Variants in GRAMD4 observed in about 807,000 individuals in gnomAD.
GRAMD4 encodes GRAM domain containing 4, also known as GRAM domain-containing protein 4.
Under a neutral mutation model 83.9 loss-of-function variants are expected in GRAMD4, and 25 were observed. The observed-to-expected ratio is 0.30, with a 90% CI of 0.22 to 0.42. The LOEUF (loss-of-function observed/expected upper bound fraction) is 0.42. GRAMD4 is among the 10% of genes least tolerant of loss of function. The pLI, the probability that GRAMD4 is intolerant of heterozygous loss-of-function variation, is 1.00. For synonymous variants in GRAMD4, 336 were observed against 320.9 expected, an observed-to-expected ratio of 1.05 and a Z score of -0.50; for missense variants, 593 against 788.7, an observed-to-expected ratio of 0.75 and a Z score of 2.97.
chr22:46,603,339 C>G (rs1297015964), intron 1 of GRAMD4, among the ~76,000 whole-genome samples: 1 of 150,142 alleles, frequency 6.7e-6, no homozygotes, highest in Non-Finnish European at 1.5e-5. Flanking sequence ...TCCCGAGTAG[C>G]TGGGACCACA....
chr22:46,611,072 CG>C, intron 1 of GRAMD4, among the ~76,000 whole-genome samples: 1 of 151,918 alleles, frequency 6.6e-6, no homozygotes, highest in East Asian at 1.9e-4. Context: ...AAGAATTAGC[CG>C]GGCATGGTGG....
intron 1 of GRAMD4, among the ~76,000 whole-genome samples, chr22:46,590,992 G>A (rs5767281): frequency 0.32 from 49,181 of 151,816 alleles, 10,275 homozygotes; most frequent in East Asian, 0.89. Context: ...CCTGGGAGGC[G>A]GAGATTGCAG....
Position 46,679,202 on chromosome 22 carries a change from C to G in GRAMD4, c.*1951C>G. 1 of 983,072 alleles carries G rather than the reference C, an allele frequency of 1.0e-6. No individual in the cohort carries two copies. Among genetic ancestry groups the G allele is most frequent in the Non-Finnish European group, 1.2e-6 (1 of 827,588 alleles). 60.9% of individuals were successfully genotyped at this position (983,072 alleles called of 1,614,324 possible). A position where few individuals can be genotyped will look rare whatever the true frequency, so the allele number is the denominator to read the frequency against. ...TCCGGGGCCTCGGGGCCAATGAGCGCCTCTTCCTAGGTGCTGGGATTCAGT... is the reference window on the plus strand; with the variant it reads ...TCCGGGGCCTCGGGGCCAATGAGCGGCTCTTCCTAGGTGCTGGGATTCAGT... On this transcript the variant is annotated 3_prime_UTR_variant, in exon 19 of 19. Transcript: ENST00000406902.
chr22:46,596,128 C>A (rs761610653), intron 1 of GRAMD4, among the ~76,000 whole-genome samples: 1 of 152,242 alleles, frequency 6.6e-6, no homozygotes, highest in Non-Finnish European at 1.5e-5. Context: ...GACGGGAGGT[C>A]AGAGGGCTGC....
chr22:46,644,110 C>T (rs1232737000), intron 3 of GRAMD4, among the ~76,000 whole-genome samples: 1 of 152,280 alleles, frequency 6.6e-6, no homozygotes, highest in African/African-American at 2.4e-5. Flanking sequence ...ACACTTTCTG[C>T]ATACTCACAT....
intron 3 of GRAMD4, among the ~76,000 whole-genome samples, chr22:46,643,076 T>C (rs1300501351): frequency 1.3e-4 from 13 of 98,918 alleles, no homozygotes; most frequent in South Asian, 3.6e-4. Context: ...TCCATCCATC[T>C]ATCCATTTAT....
chr22:46,584,909 G>T (rs999074040), intron 1 of GRAMD4, among the ~76,000 whole-genome samples: 1 of 152,202 alleles, frequency 6.6e-6, no homozygotes. Context: ...CCGGCGGGAC[G>T]CTTTAGAGCT....
chr22:46,605,257 C>T (rs534195778), intron 1 of GRAMD4, among the ~76,000 whole-genome samples: 1 of 152,256 alleles, frequency 6.6e-6, no homozygotes. Context: ...TCCGGGTTCA[C>T]CCAGGTTCTG....
intron 1 of GRAMD4, among the ~76,000 whole-genome samples, chr22:46,592,766 A>T (rs1206589224): frequency 2.6e-5 from 4 of 151,834 alleles, no homozygotes; most frequent in Admixed American, 6.6e-5. Flanking sequence ...CACCTCCAGG[A>T]TGTGGCCGGC....
intron 18 of GRAMD4, 139 bp from the exon 19 acceptor site, chr22:46,677,008 G>C (rs2082609068): frequency 1.1e-6 from 1 of 940,316 alleles, no homozygotes; most frequent in African/African-American, 1.6e-5. Context: ...TCCGGGTGGT[G>C]GGGAGACACC....
intron 1 of GRAMD4, among the ~76,000 whole-genome samples, chr22:46,579,358 G>A (rs140506489): frequency 5.5e-4 from 84 of 152,330 alleles, no homozygotes; most frequent in African/African-American, 1.9e-3. Flanking sequence ...AACGAGGGAG[G>A]AGAATCAGAG....
intron 1 of GRAMD4, among the ~76,000 whole-genome samples, chr22:46,589,570 C>T (rs1034984089): frequency 2.5e-4 from 38 of 152,054 alleles, no homozygotes; most frequent in African/African-American, 8.5e-4. Context: ...TCTGCAGTGA[C>T]CCTGGAAGGG....
chr22:46,603,610 G>A (rs192316113), intron 1 of GRAMD4, among the ~76,000 whole-genome samples: 2,045 of 145,380 alleles, frequency 0.014, 41 homozygotes, highest in African/African-American at 0.05. Flanking sequence ...TCCGCCTTCC[G>A]GGTTCACGCC....
At chr22:46,676,897 G>A (rs1051055252) in intron 18 of GRAMD4, among the ~76,000 whole-genome samples, 1 of 152,232 alleles carries the variant, frequency 6.6e-6, no homozygotes, top group Non-Finnish European at 1.5e-5. Context: ...GTTGGGCACA[G>A]GGGTCCCCTG....
intron 3 of GRAMD4, 111 bp downstream of exon 3, chr22:46,638,071 T>C: frequency 1.7e-6 from 2 of 1,169,674 alleles, no homozygotes; most frequent in Middle Eastern, 2.3e-4. Flanking sequence ...CCACGCAGGC[T>C]CCATCGCTGG....
intron 3 of GRAMD4, among the ~76,000 whole-genome samples, chr22:46,656,902 C>T (rs2082252133): frequency 6.6e-6 from 1 of 152,218 alleles, no homozygotes. Context: ...GACCCTCAGC[C>T]ACCATAGGCC....
chr22:46,654,682 C>A (rs1242287215), intron 3 of GRAMD4, among the ~76,000 whole-genome samples: 2 of 152,236 alleles, frequency 1.3e-5, no homozygotes, highest in African/African-American at 4.8e-5. Flanking sequence ...GCACATCTGC[C>A]CTCCCTGCTA....
At chr22:46,596,887 T>C (rs1053540876) in intron 1 of GRAMD4, among the ~76,000 whole-genome samples, 1 of 152,174 alleles carries the variant, frequency 6.6e-6, no homozygotes, top group Non-Finnish European at 1.5e-5. Context: ...TTTTGTCCTC[T>C]TGGGGCCTTT....
Position 46,679,005 on chromosome 22 carries a change from C to T in GRAMD4, c.*1754C>T. The T allele has an allele frequency of 4.1e-6, 4 of 985,748 alleles. No homozygotes were observed. Among genetic ancestry groups the T allele is most frequent in the Non-Finnish European group, 4.8e-6 (4 of 829,988 alleles). 61.1% of individuals were successfully genotyped at this position (985,748 alleles called of 1,614,324 possible). On this transcript the variant is annotated 3_prime_UTR_variant, in exon 19 of 19. Transcript: ENST00000406902. ...CCGTGGGTCTGGCTCCTGTAGGGGA[C>T]TGGCTCTCTTGGTGCACCAGGGGAG...
Sources: gnomAD v4.1 joint callset for allele counts (sites outside exome capture counted in the v4.1 genomes callset) on GRCh38, gnomAD v4.1.1 for gene constraint, MANE v1.5 for transcripts, NCBI Gene and HGNC (gene_info 2026-07-23, HGNC 2026-07-21) for gene names.